The following TRABD2B variants were observed in gnomAD, a reference collection of about 807,000 sequenced individuals.
TRABD2B encodes metalloprotease TIKI2.
In TRABD2B, 14 loss-of-function variants were observed where a neutral mutation model predicts 40.1. The observed-to-expected ratio is 0.35, with a 90% CI of 0.23 to 0.55. The LOEUF (loss-of-function observed/expected upper bound fraction) is 0.55, where lower values mean the gene tolerates loss of function less well. Ranked by LOEUF, TRABD2B falls within the 20% of genes least tolerant of loss-of-function variation. The pLI is 0.90. For synonymous variants in TRABD2B, 263 were observed against 277.0 expected (o/e 0.95, Z 0.50); for missense variants, 541 against 648.6 (o/e 0.83, Z 1.80).
At chr1:47,987,064 C>T (rs2148452505) in intron 2 of TRABD2B, among the ~76,000 whole-genome samples, 1 of 152,362 alleles carries the variant, frequency 6.6e-6, no homozygotes, top group Non-Finnish European at 1.5e-5. Flanking sequence ...GCTGCATTAC[C>T]AGGCGACCTC....
chr1:47,849,533 G>A (rs1056707389), intron 2 of TRABD2B, among the ~76,000 whole-genome samples: 1 of 152,220 alleles, frequency 6.6e-6, no homozygotes, highest in African/African-American at 2.4e-5. Context: ...AAATAAGACA[G>A]GAAAATCTTC....
intron 4 of TRABD2B, among the ~76,000 whole-genome samples, chr1:47,779,484 C>A (rs1644491592): frequency 6.6e-6 from 1 of 152,204 alleles, no homozygotes; most frequent in Non-Finnish European, 1.5e-5. Flanking sequence ...AGTTGAAAGC[C>A]CCATTTGGGA....
At chr1:47,797,704 C>A (rs1243339207) in intron 3 of TRABD2B, among the ~76,000 whole-genome samples, 4 of 152,096 alleles carry the variant, frequency 2.6e-5, no homozygotes, top group Non-Finnish European at 5.9e-5. Flanking sequence ...TGGCTCCTTG[C>A]CAAGGATGAG....
chr1:47,841,497 T>C (rs1645396422), intron 2 of TRABD2B, among the ~76,000 whole-genome samples: 1 of 152,234 alleles, frequency 6.6e-6, no homozygotes, highest in South Asian at 2.1e-4. Context: ...TATTCATTCA[T>C]TGTCACTGAA....
intron 4 of TRABD2B, among the ~76,000 whole-genome samples, chr1:47,786,845 A>T (rs931610936): frequency 6.6e-6 from 1 of 152,230 alleles, no homozygotes; most frequent in East Asian, 1.9e-4. Context: ...GACTATAGGC[A>T]TGCATCACCA....
chr1:47,944,573 G>A (rs1411880629), intron 2 of TRABD2B, among the ~76,000 whole-genome samples: 5 of 152,172 alleles, frequency 3.3e-5, no homozygotes, highest in African/African-American at 1.2e-4. Context: ...AAGGAAGAAG[G>A]ATCAGGTAGG....
Position 47,996,457 on chromosome 1 carries a change from G to A in TRABD2B, c.102+231C>T, listed in dbSNP as rs1570438355. Reference sequence around the variant, plus strand: ...ACCACAAGTCAAGAGGAGAGCCCCAGAGCGGCAGCGTGTGGAGAAGGAACC... The same window carrying A: ...ACCACAAGTCAAGAGGAGAGCCCCAAAGCGGCAGCGTGTGGAGAAGGAACC... On this transcript the variant is annotated intron_variant, in intron 1 of 6. Coordinates refer to ENST00000606738, the MANE Select transcript of TRABD2B (RefSeq NM_001194986.2). This position sits in a 1 kb window ranked among gnomAD's most constrained non-coding sequence, Gnocchi z 4.6. Among the ~76,000 whole-genome samples, 2 of 152,314 alleles carry A rather than the reference G, an allele frequency of 1.3e-5. No homozygotes were observed. The highest frequency in any genetic ancestry group is 4.8e-5 in the African/African-American group (2 of 41,590).
In TRABD2B at chr1:47,823,818, C is replaced by A. The variant is rs567496789; in HGVS notation, c.667-22199G>T. Among the ~76,000 whole-genome samples, 7 of 152,302 alleles carry A rather than the reference C, an allele frequency of 4.6e-5. No individual in the cohort carries two copies. The South Asian group carries it at 1.0e-3, about 23-fold the overall frequency. On this transcript the variant is annotated intron_variant, in intron 2 of 6. Transcript: ENST00000606738. Reference sequence around the variant, plus strand: ...ACCAAGGCCCAGCATCAAAGTCTGTCGATTCCTACTTCAGAACTCTTTCTG... The same window carrying A: ...ACCAAGGCCCAGCATCAAAGTCTGTAGATTCCTACTTCAGAACTCTTTCTG...
intron 2 of TRABD2B, among the ~76,000 whole-genome samples, chr1:47,985,400 A>G (rs1461664372): frequency 3.3e-5 from 5 of 152,280 alleles, no homozygotes; most frequent in African/African-American, 9.6e-5. Context: ...TAAAGGGAGA[A>G]TCCCAAGAAT....
intron 2 of TRABD2B, among the ~76,000 whole-genome samples, chr1:47,902,472 A>G (rs1644614426): frequency 6.6e-6 from 1 of 152,140 alleles, no homozygotes; most frequent in South Asian, 2.1e-4. Context: ...TAAGGCCAGC[A>G]CTGGGCAACT....
intron 2 of TRABD2B, among the ~76,000 whole-genome samples, chr1:47,980,040 G>C (rs1208390619): frequency 6.6e-6 from 1 of 152,178 alleles, no homozygotes; most frequent in African/African-American, 2.4e-5. Context: ...TGGCCCCCCA[G>C]TGCACCCAGG....
At chr1:47,807,444 C>T (rs1644907197) in intron 2 of TRABD2B, among the ~76,000 whole-genome samples, 1 of 152,186 alleles carries the variant, frequency 6.6e-6, no homozygotes, top group East Asian at 1.9e-4. Context: ...ACAATGAAGG[C>T]TTGGGTCATG....
At chr1:47,791,334 C>G (rs1644669059) in intron 4 of TRABD2B, among the ~76,000 whole-genome samples, 1 of 152,222 alleles carries the variant, frequency 6.6e-6, no homozygotes, top group East Asian at 1.9e-4. Flanking sequence ...TTGGCTCAGA[C>G]ACCTGGCAAG....
At chr1:47,800,653 G>A (rs1557577468) in intron 3 of TRABD2B, among the ~76,000 whole-genome samples, 1 of 152,180 alleles carries the variant, frequency 6.6e-6, no homozygotes, top group Non-Finnish European at 1.5e-5. Flanking sequence ...TTGAATGAAC[G>A]GGTATTCAAG....
chr1:47,897,061 T>A (rs1289670113), intron 2 of TRABD2B, among the ~76,000 whole-genome samples: 1 of 152,044 alleles, frequency 6.6e-6, no homozygotes, highest in Non-Finnish European at 1.5e-5. Context: ...ACAAAAAACA[T>A]AGCAAGTAAA....
intron 2 of TRABD2B, among the ~76,000 whole-genome samples, chr1:47,831,517 G>C (rs1645249479): frequency 1.3e-5 from 2 of 152,264 alleles, no homozygotes; most frequent in South Asian, 4.2e-4. Flanking sequence ...CAGCCTCACA[G>C]GGTGTGTGCT....
rs372215595 is a variant in TRABD2B at position 47,899,078 on chromosome 1, C to A, written c.666+94956G>T. Among the ~76,000 whole-genome samples the A allele has an allele frequency of 7.2e-5, 11 of 152,360 alleles. 1 individual carries two copies. Among genetic ancestry groups the A allele is most frequent in the African/African-American group, 1.4e-4 (6 of 41,588 alleles). ...CCACTGAGTCTTTCTGGATGTGAGA[C>A]CCTGGCCTGGGCCCATAAGGGCTCA... On this transcript the variant is annotated intron_variant, in intron 2 of 6. Coordinates refer to ENST00000606738, the MANE Select transcript of TRABD2B (RefSeq NM_001194986.2).
chr1:47,955,086 C>G (rs1645399005), intron 2 of TRABD2B, among the ~76,000 whole-genome samples: 1 of 152,180 alleles, frequency 6.6e-6, no homozygotes, highest in Non-Finnish European at 1.5e-5. Flanking sequence ...CTCTTGGCCT[C>G]TCCTCCTAAA....
At chr1:47,846,894 A>ACACACACACACACACACG (rs1439715341) in intron 2 of TRABD2B, among the ~76,000 whole-genome samples, 3,127 of 145,632 alleles carry the variant, frequency 0.021, 99 homozygotes, top group East Asian at 0.068. Flanking sequence ...ACACACACAC[A>ACACACACACACACACACG]CAAATGAGGG....
Sources: gnomAD v4.1 joint callset for allele counts (sites outside exome capture counted in the v4.1 genomes callset) on GRCh38, gnomAD v4.1.1 for gene constraint, Gnocchi (gnomAD v3.1) non-coding constraint, MANE v1.5 for transcripts, NCBI Gene and HGNC (gene_info 2026-07-23, HGNC 2026-07-21) for gene names.